The following LOC400499 variants were observed in gnomAD, a reference collection of about 807,000 sequenced individuals.
At chr16:11,416,378 A>G in the LOC400499 span, among the ~76,000 whole-genome samples, 1 of 152,086 alleles carries the variant, frequency 6.6e-6, no homozygotes, top group African/African-American at 2.4e-5. Flanking sequence ...CTCTGGGTTC[A>G]ATCCTCACTC....
chr16:11,382,798 A>C, the LOC400499 span, among the ~76,000 whole-genome samples: 9 of 152,290 alleles, frequency 5.9e-5, no homozygotes, highest in Non-Finnish European at 7.3e-5. Flanking sequence ...TGACAGAGTG[A>C]GACTGTCCCA....
the LOC400499 span, among the ~76,000 whole-genome samples, chr16:11,383,064 C>T: frequency 1.4e-5 from 2 of 144,526 alleles, no homozygotes; most frequent in African/African-American, 5.4e-5. Flanking sequence ...AGAGGAGGTG[C>T]CAGGGTCTTT....
the LOC400499 span, among the ~76,000 whole-genome samples, chr16:11,448,659 C>T: frequency 2.0e-5 from 3 of 152,078 alleles, no homozygotes; most frequent in Admixed American, 6.6e-5. Context: ...CCCAGACATT[C>T]GAGGCTGCAG....
chr16:11,446,450 A>C, the LOC400499 span: 1 of 1,118,790 alleles, frequency 8.9e-7, no homozygotes, highest in African/African-American at 1.5e-5. Flanking sequence ...GAGCCACTGC[A>C]CTCAGTCCAG....
chr16:11,450,952 G>C, the LOC400499 span: 4 of 800,532 alleles, frequency 5.0e-6, no homozygotes, highest in South Asian at 1.8e-5. Flanking sequence ...CTAGGCATGA[G>C]GGAACTTTCT....
At chr16:11,439,527 T>A in the LOC400499 span, 1 of 399,064 alleles carries the variant, frequency 2.5e-6, no homozygotes, top group Non-Finnish European at 4.4e-6. Flanking sequence ...TGAGGATGCC[T>A]GAGTTGGAAG....
At chr16:11,454,658 C>CA in the LOC400499 span, among the ~76,000 whole-genome samples, 2 of 152,252 alleles carry the variant, frequency 1.3e-5, no homozygotes, top group African/African-American at 2.4e-5. Context: ...CTCCTTGACT[C>CA]AAACTTACAG....
At chr16:11,493,237 G>A in the LOC400499 span, among the ~76,000 whole-genome samples, 2 of 152,236 alleles carry the variant, frequency 1.3e-5, no homozygotes, top group Non-Finnish European at 1.5e-5. Flanking sequence ...TTTAGACTCT[G>A]CAGGCCATGC....
the LOC400499 span, among the ~76,000 whole-genome samples, chr16:11,518,253 A>G: frequency 6.6e-6 from 1 of 152,214 alleles, no homozygotes; most frequent in Non-Finnish European, 1.5e-5. Context: ...TTCTTTCTTA[A>G]CAAATGAATT....
At chr16:11,461,851 C>T in the LOC400499 span, among the ~76,000 whole-genome samples, 1 of 152,154 alleles carries the variant, frequency 6.6e-6, no homozygotes, top group African/African-American at 2.4e-5. Flanking sequence ...TTTTAAATGC[C>T]CAGTGTATTT....
At chr16:11,478,050 C>T in the LOC400499 span, 7 of 395,722 alleles carry the variant, frequency 1.8e-5, no homozygotes, top group Non-Finnish European at 2.7e-5. Context: ...CGGTGGCTCA[C>T]GCCTGTAATC....
At chr16:11,488,158 T>G in the LOC400499 span, among the ~76,000 whole-genome samples, 7 of 151,678 alleles carry the variant, frequency 4.6e-5, no homozygotes, top group Non-Finnish European at 5.9e-5. Context: ...CGCCTCTTGG[T>G]GTACAGTACT....
the LOC400499 span, among the ~76,000 whole-genome samples, chr16:11,436,124 T>C: frequency 2.6e-5 from 4 of 152,096 alleles, no homozygotes; most frequent in East Asian, 7.7e-4. Context: ...ACATGTGAAA[T>C]GGGAGTTCTT....
At chr16:11,468,019 A>G in the LOC400499 span, among the ~76,000 whole-genome samples, 4 of 152,104 alleles carry the variant, frequency 2.6e-5, no homozygotes, top group South Asian at 6.2e-4. Context: ...CAAGCCAAGG[A>G]GCTCTGGGGG....
the LOC400499 span, among the ~76,000 whole-genome samples, chr16:11,459,488 G>A: frequency 4.6e-5 from 7 of 152,032 alleles, no homozygotes; most frequent in Non-Finnish European, 8.8e-5. Context: ...GAGCCACTGC[G>A]CCCGGCCCCT....
chr16:11,382,080 G>A, the LOC400499 span, among the ~76,000 whole-genome samples: 69 of 152,238 alleles, frequency 4.5e-4, no homozygotes, highest in Middle Eastern at 3.4e-3. Flanking sequence ...GGGATTACAG[G>A]AGCCCGCCAC....
chr16:11,374,180 T>C, the LOC400499 span, among the ~76,000 whole-genome samples: 1 of 152,230 alleles, frequency 6.6e-6, no homozygotes, highest in African/African-American at 2.4e-5. Flanking sequence ...TGTGGGTCTG[T>C]GTCTATTGCC....
the LOC400499 span, among the ~76,000 whole-genome samples, chr16:11,402,971 TTGG>T: frequency 5.3e-5 from 8 of 152,114 alleles, no homozygotes; most frequent in Non-Finnish European, 1.2e-4. Flanking sequence ...TCCTTCCATC[TTGG>T]ATGTGACAGG....
chr16:11,454,424 G>A, the LOC400499 span, among the ~76,000 whole-genome samples: 1 of 152,194 alleles, frequency 6.6e-6, no homozygotes, highest in Non-Finnish European at 1.5e-5. Context: ...TACGAGAATA[G>A]GACATGCCCT....
Sources: gnomAD v4.1 joint callset for allele counts (sites outside exome capture counted in the v4.1 genomes callset) on GRCh38, gnomAD v4.1.1 for gene constraint, MANE v1.5 for transcripts.